Variants in SFPQ observed in about 807,000 individuals in gnomAD.
The protein encoded by SFPQ is splicing factor, proline- and glutamine-rich.
A neutral mutation model predicts 72.9 loss-of-function variants in SFPQ; 11 were observed. The observed-to-expected ratio is 0.15, with a 90% CI of 0.09 to 0.25. SFPQ has a LOEUF of 0.25. SFPQ is among the 10% of genes least tolerant of loss of function. The probability of loss-of-function intolerance (pLI) is 1.00; values close to 1 mark genes in which losing one functional copy is unlikely to be tolerated. For synonymous variants in SFPQ, 506 were observed against 367.3 expected (o/e 1.38, Z -4.32); for missense variants, 847 against 993.3 (o/e 0.85, Z 1.98).
chr1:35,187,742 CAAACAAACAAAAAAACA>C (rs1459753824), intron 7 of SFPQ, among the ~76,000 whole-genome samples: 2 of 151,272 alleles, frequency 1.3e-5, no homozygotes, highest in East Asian at 3.9e-4. Context: ...AAAAAAAAAC[CAAACAAACAAAAAAACA>C]AAACAAAACA....
Position 35,190,475 on chromosome 1 carries a change from CAAAA to C in SFPQ, c.1415+19_1415+22del, listed in dbSNP as rs760293361. 6.5e-7 allele frequency: 1 copy of C among 1,537,924 alleles called. No individual in the cohort carries two copies. Among genetic ancestry groups the C allele is most frequent in the Non-Finnish European group, 8.9e-7 (1 of 1,121,930 alleles). ...CCTTTACACTTGATTTAAAAACTGC[CAAAA>C]AAGTTTAATCAATCTTACTTTTGAT... On this transcript the variant is annotated intron_variant, in intron 4 of 9. Transcript: ENST00000357214.
In SFPQ at chr1:35,184,467, G is replaced by T. The variant is rs765562270; in HGVS notation, c.2113C>A (p.Pro705Thr). The T allele has an allele frequency of 1.2e-6, 2 of 1,608,044 alleles. No individual in the cohort carries two copies. Among genetic ancestry groups the T allele is most frequent in the Non-Finnish European group, 8.5e-7 (1 of 1,177,978 alleles). Residue 705 changes from proline to threonine, a missense_variant, in exon 10 of 10, where the codon CCC (proline) becomes ACC (threonine). Physicochemically the swap from Pro to Thr is conservative, Grantham distance 38. Coordinates refer to ENST00000357214, the MANE Select transcript of SFPQ (RefSeq NM_005066.3). The part of the protein sequence containing the change: ...REEYEGPNKK[P>T]RF ...CCTAAATATCACATCTAAAATCGGG[G>T]TTTTTTGTTTGGGCCTTCGTACTCT...
At chr1:35,186,225 A>T (rs1431297170) in intron 9 of SFPQ, among the ~76,000 whole-genome samples, 2 of 152,196 alleles carry the variant, frequency 1.3e-5, no homozygotes, top group African/African-American at 4.8e-5. Context: ...AGCTATAAAA[A>T]TGCACTCTCT....
At chr1:35,190,304 G>GA (rs2148623599) in intron 4 of SFPQ, among the ~76,000 whole-genome samples, 194 bp downstream of exon 4, 1 of 152,346 alleles carries the variant, frequency 6.6e-6, no homozygotes, top group East Asian at 1.9e-4. Flanking sequence ...GACTGCATGT[G>GA]AATGTATCCA....
At chr1:35,191,108 T>C (rs72908993) in intron 2 of SFPQ, 113 bp from the exon 3 acceptor site, 18,651 of 1,006,122 alleles carry the variant, frequency 0.019, 951 homozygotes, top group East Asian at 0.18. Flanking sequence ...GTTCGACCAT[T>C]ACCTTTAGGC....
rs1639538788 is a variant in SFPQ at position 35,183,107 on chromosome 1, A to G, written c.*1349T>C. 1.0e-6 allele frequency: 1 copy of G among 997,278 alleles called. No individual in the cohort carries two copies. Among genetic ancestry groups the G allele is most frequent in the Non-Finnish European group, 1.2e-6 (1 of 850,998 alleles). 61.8% of individuals were successfully genotyped at this position (997,278 alleles called of 1,614,324 possible). A position where few individuals can be genotyped will look rare whatever the true frequency, so the allele number is the denominator to read the frequency against. On this transcript the variant is annotated 3_prime_UTR_variant, in exon 10 of 10. Transcript: ENST00000357214. The stretch of plus-strand genomic sequence containing the variant: ...GTTAACAATCACCACTAGCTCTTAG[A>G]AGAGAACCAATAGATTTTTATAGTC...
rs890438165 is a variant in SFPQ at position 35,192,813 on chromosome 1, C to T, written c.237G>A (p.Pro79=). The stretch of plus-strand genomic sequence containing the variant: ...GCGGCTGATGCGGTGGCGGCTGCTG[C>T]GGCGGTGGCTGCTGCGGTGGTGGCT... The part of the protein sequence containing the change: ...QQQPPPQQPP[P]QQPPPHQPPP... The change falls in exon 1 of 10, where the codon CCG becomes CCA. Residue 79 remains proline (P), a synonymous_variant. Transcript: ENST00000357214. 1.3e-6 allele frequency: 2 copies of T among 1,502,736 alleles called. No individual in the cohort carries two copies. The highest frequency in any genetic ancestry group is 2.6e-5 in the East Asian group (1 of 37,882). 93.1% of individuals were successfully genotyped at this position (1,502,736 alleles called of 1,614,324 possible).
Position 35,183,683 on chromosome 1 carries a change from CAAG to C in SFPQ, c.*770_*772del, listed in dbSNP as rs904748126. The C allele has an allele frequency of 9.6e-7, 1 of 1,040,428 alleles. No individual in the cohort carries two copies. Among genetic ancestry groups the C allele is most frequent in the Admixed American group, 5.6e-5 (1 of 17,842 alleles). 64.4% of individuals were successfully genotyped at this position (1,040,428 alleles called of 1,614,324 possible). ...TTGAGATTTGTTGGTCTTTTAAAAACAAGAAATGGGGAAATGCAACAAAATGAC... is the reference window on the plus strand; with the variant it reads ...TTGAGATTTGTTGGTCTTTTAAAAACAAATGGGGAAATGCAACAAAATGAC... On this transcript the variant is annotated 3_prime_UTR_variant, in exon 10 of 10. Transcript: ENST00000357214.
chr1:35,184,574 T>G lies in SFPQ; in HGVS notation c.2006A>C (p.Gln669Pro). Residue 669 changes from glutamine (Q) to proline (P), a missense_variant, in exon 10 of 10, where the codon CAG becomes CCG. Coordinates refer to ENST00000357214, the MANE Select transcript of SFPQ (RefSeq NM_005066.3). ...GSDMRTERFGQGGAGPVGGQG... is the reference protein window; with the variant it reads ...GSDMRTERFGPGGAGPVGGQG... ...TCCACCCACAGGCCCCGCACCTCCC[T>G]GCCCAAAGCGCTCAGTACGCTATTG... is the stretch of plus-strand genomic sequence containing the variant. 1 of 1,601,660 alleles carries G rather than the reference T, an allele frequency of 6.2e-7. No individual in the cohort carries two copies. The highest frequency in any genetic ancestry group is 8.5e-7 in the Non-Finnish European group (1 of 1,176,530).
At chr1:35,182,821 C>G, downstream of SFPQ, 1 of 1,050,056 alleles carries the variant, frequency 9.5e-7, no homozygotes, top group Non-Finnish European at 1.1e-6. Context: ...ACTGGGAAAT[C>G]AGGCTCCCAT....
rs985276029 is a variant in SFPQ at position 35,183,231 on chromosome 1, T to G, written c.*1225A>C. ...ACCTACTTCAGTACTAAACCTTTTT[T>G]TTTTTTTGAGACAGAGTCTCGCTCT... is the stretch of plus-strand genomic sequence containing the variant. On this transcript the variant is annotated 3_prime_UTR_variant, in exon 10 of 10. Transcript: ENST00000357214. The G allele has an allele frequency of 1.2e-4, 114 of 982,172 alleles. No individual in the cohort carries two copies. The highest frequency in any genetic ancestry group is 1.2e-4 in the Non-Finnish European group (95 of 819,354). 60.8% of individuals were successfully genotyped at this position (982,172 alleles called of 1,614,324 possible). A position where few individuals can be genotyped will look rare whatever the true frequency, so the allele number is the denominator to read the frequency against.
At chr1:35,176,859 G>A (rs1243709968) in intron 5 of SFPQ, among the ~76,000 whole-genome samples, 5 of 143,492 alleles carry the variant, frequency 3.5e-5, no homozygotes, top group African/African-American at 5.3e-5. Flanking sequence ...GGGCGACAGA[G>A]CAAGACTCCG....
At chr1:35,182,444 G>C (rs1639509107), downstream of SFPQ, 1 of 985,158 alleles carries the variant, frequency 1.0e-6, no homozygotes, top group African/African-American at 1.7e-5. Context: ...TTTCTAATGA[G>C]ATTCTCTCCC....
chr1:35,178,729 G>A (rs1639346153), downstream of SFPQ: 1 of 1,053,886 alleles, frequency 9.5e-7, no homozygotes, highest in Non-Finnish European at 1.1e-6. Context: ...TCAAGTTCCA[G>A]GTTTTTCTTC....
downstream of SFPQ, chr1:35,182,419 TATA>T: frequency 2.0e-6 from 2 of 985,386 alleles, no homozygotes; most frequent in Non-Finnish European, 2.4e-6. Context: ...TGGTGAATGA[TATA>T]ATGAGCATTA....
At chr1:35,188,258 G>A (rs527884328) in intron 6 of SFPQ, among the ~76,000 whole-genome samples, 168 bp from the exon 7 acceptor site, 5 of 152,192 alleles carry the variant, frequency 3.3e-5, no homozygotes, top group African/African-American at 9.7e-5. Context: ...AATAATGTAG[G>A]CTTTATTAAG....
chr1:35,179,555 C>T, downstream of SFPQ: 1 of 1,053,518 alleles, frequency 9.5e-7, no homozygotes, highest in African/African-American at 1.7e-5. Flanking sequence ...CCACTTAATT[C>T]CCAGCTTTTT....
chr1:35,185,164 AG>A (rs957156743), intron 9 of SFPQ, among the ~76,000 whole-genome samples: 1 of 152,258 alleles, frequency 6.6e-6, no homozygotes, highest in Non-Finnish European at 1.5e-5. Flanking sequence ...GACTACAAAA[AG>A]AAAAAGCATA....
At chr1:35,192,035 A>G (rs1416530139) in intron 1 of SFPQ, among the ~76,000 whole-genome samples, 187 bp downstream of exon 1, 2 of 151,386 alleles carry the variant, frequency 1.3e-5, no homozygotes, top group Non-Finnish European at 2.9e-5. Context: ...CCGCCGGGAG[A>G]GCAAGGCCCG....
Sources: gnomAD v4.1 joint callset for allele counts (sites outside exome capture counted in the v4.1 genomes callset) on GRCh38, gnomAD v4.1.1 for gene constraint, MANE v1.5 for transcripts, NCBI Gene and HGNC (gene_info 2026-07-23, HGNC 2026-07-21) for gene names.